Variants in CDH18 observed in about 807,000 individuals in gnomAD.
CDH18 encodes cadherin-18.
A neutral mutation model predicts 67.9 loss-of-function variants in CDH18; 31 were observed. The observed-to-expected ratio is 0.46, with a 90% CI of 0.34 to 0.62. CDH18 has a LOEUF of 0.62. CDH18 is among the 20% of genes least tolerant of loss of function. The probability of loss-of-function intolerance (pLI) is 0.01; values close to 1 mark genes in which losing one functional copy is unlikely to be tolerated. For synonymous variants in CDH18, 362 were observed against 347.2 expected (o/e 1.04, Z -0.48); for missense variants, 890 against 975.5 (o/e 0.91, Z 1.17).
At chr5:20,165,822 T>C (rs1412915150) in intron 2 of CDH18, among the ~76,000 whole-genome samples, 2 of 152,184 alleles carry the variant, frequency 1.3e-5, no homozygotes, top group African/African-American at 4.8e-5. Context: ...ACATAAACAG[T>C]TGCAGTACAA....
At chr5:19,728,429 G>C (rs1323684891) in intron 4 of CDH18, among the ~76,000 whole-genome samples, 2 of 152,118 alleles carry the variant, frequency 1.3e-5, no homozygotes, top group African/African-American at 2.4e-5. Flanking sequence ...ACAAATCTGA[G>C]AAAGATTTAA....
chr5:20,081,664 G>T (rs555144248), intron 2 of CDH18, among the ~76,000 whole-genome samples: 1 of 152,172 alleles, frequency 6.6e-6, no homozygotes, highest in Admixed American at 6.5e-5. Flanking sequence ...GGAACTAGAG[G>T]CTATTATGCT....
At chr5:20,455,578 T>C (rs1250722988) in intron 1 of CDH18, among the ~76,000 whole-genome samples, 1 of 152,142 alleles carries the variant, frequency 6.6e-6, no homozygotes, top group African/African-American at 2.4e-5. Flanking sequence ...ACTGGGTCAA[T>C]ATGCCTTATG....
chr5:20,062,577 C>T (rs574837224), intron 2 of CDH18, among the ~76,000 whole-genome samples: 5 of 152,170 alleles, frequency 3.3e-5, no homozygotes, highest in African/African-American at 1.2e-4. Context: ...GCATGATAAC[C>T]AGCATGAGAA....
chr5:19,709,115 T>C (rs1764365713), intron 5 of CDH18, among the ~76,000 whole-genome samples: 2 of 152,142 alleles, frequency 1.3e-5, no homozygotes, highest in East Asian at 1.9e-4. Flanking sequence ...GTGGCTCTGA[T>C]ACCTCACCTG....
chr5:20,448,990 T>A (rs1750222950), intron 1 of CDH18, among the ~76,000 whole-genome samples: 2 of 148,978 alleles, frequency 1.3e-5, no homozygotes, highest in African/African-American at 5.1e-5. Flanking sequence ...TCCTGTTGCA[T>A]GAATATATAT....
intron 1 of CDH18, among the ~76,000 whole-genome samples, chr5:20,519,458 C>A (rs143173655): frequency 4.0e-5 from 6 of 151,890 alleles, no homozygotes; most frequent in Non-Finnish European, 7.4e-5. Context: ...CATCACACTC[C>A]GGGGACTGTT....
At chr5:20,135,368 T>C (rs1749615428) in intron 2 of CDH18, among the ~76,000 whole-genome samples, 1 of 152,214 alleles carries the variant, frequency 6.6e-6, no homozygotes, top group Non-Finnish European at 1.5e-5. Flanking sequence ...ATTTTCTAGT[T>C]GATTTGCATA....
intron 1 of CDH18, among the ~76,000 whole-genome samples, chr5:20,512,738 G>T (rs1032661786): frequency 6.6e-6 from 1 of 151,944 alleles, no homozygotes; most frequent in African/African-American, 2.4e-5. Context: ...ACAAAAATTT[G>T]CCAGGTGTGG....
chr5:19,938,588 T>C (rs1794516341), intron 2 of CDH18, among the ~76,000 whole-genome samples: 1 of 151,624 alleles, frequency 6.6e-6, no homozygotes, highest in Non-Finnish European at 1.5e-5. Context: ...TCATATTTTC[T>C]AGTTACCATA....
At chr5:20,421,714 T>C (rs1747874599) in intron 1 of CDH18, among the ~76,000 whole-genome samples, 1 of 150,898 alleles carries the variant, frequency 6.6e-6, no homozygotes, top group Non-Finnish European at 1.5e-5. Context: ...AAAACTTGAA[T>C]GTGTTTCATT....
chr5:19,914,790 C>A (rs1791569825), intron 2 of CDH18, among the ~76,000 whole-genome samples: 1 of 151,944 alleles, frequency 6.6e-6, no homozygotes, highest in South Asian at 2.1e-4. Context: ...AATGAAACAT[C>A]AAGTCAATAG....
intron 5 of CDH18, among the ~76,000 whole-genome samples, chr5:19,691,676 G>A (rs1371887386): frequency 6.6e-6 from 1 of 151,722 alleles, no homozygotes; most frequent in East Asian, 1.9e-4. Flanking sequence ...AACCAAAGAG[G>A]TGAAGGACTT....
intron 1 of CDH18, among the ~76,000 whole-genome samples, chr5:20,414,183 G>T (rs1747068846): frequency 6.6e-6 from 1 of 152,218 alleles, no homozygotes; most frequent in Admixed American, 6.5e-5. Context: ...TCAGCAATCT[G>T]ATTACTGGGA....
chr5:20,181,394 G>A (rs1166241310), intron 2 of CDH18, among the ~76,000 whole-genome samples: 1 of 152,062 alleles, frequency 6.6e-6, no homozygotes. Context: ...AGAGGAGGAT[G>A]CACTAATAGG....
chr5:19,964,709 T>C (rs973978475), intron 2 of CDH18, among the ~76,000 whole-genome samples: 11 of 148,196 alleles, frequency 7.4e-5, no homozygotes, highest in Non-Finnish European at 1.5e-4. Flanking sequence ...TGAGGTATAA[T>C]ATGGAACTAT....
intron 3 of CDH18, among the ~76,000 whole-genome samples, chr5:19,780,909 T>C (rs190775078): frequency 1.8e-4 from 27 of 152,212 alleles, no homozygotes; most frequent in South Asian, 1.0e-3. Flanking sequence ...TAGCAAAGAA[T>C]AATGCCACAG....
At position 19,520,758 on chromosome 5, in the gene CDH18, G is replaced by A. The variant is rs1330301818; in HGVS notation, c.1411C>T (p.His471Tyr). The A allele has an allele frequency of 2.5e-6, 4 of 1,612,832 alleles. No homozygotes were observed. The highest frequency in any genetic ancestry group is 1.7e-6 in the Non-Finnish European group (2 of 1,179,408). Reference sequence around the variant, plus strand: ...AGAACTCTAATACCCACTGTGACATGGCTCAGCAAATCAGGATTATCTGCA... The same window carrying A: ...AGAACTCTAATACCCACTGTGACATAGCTCAGCAAATCAGGATTATCTGCA... Reference protein sequence around the residue: ...SEIDNPDLLSHVTVGIRVLDV... With the variant: ...SEIDNPDLLSYVTVGIRVLDV... Residue 471 changes from histidine (H) to tyrosine (Y), a missense_variant, in exon 10 of 13, where the codon CAT becomes TAT. Coordinates refer to ENST00000382275, the MANE Select transcript of CDH18 (RefSeq NM_004934.5).
chr5:19,755,427 G>GTGTATATATATATATATA (rs1554024291), intron 3 of CDH18, among the ~76,000 whole-genome samples: 2 of 44,660 alleles, frequency 4.5e-5, no homozygotes, highest in African/African-American at 1.3e-4. Flanking sequence ...AACTAACAGG[G>GTGTATATATATATATATA]TATGTATATA....
Sources: allele counts gnomAD v4.1 joint callset (sites outside exome capture counted in the v4.1 genomes callset), GRCh38; gene constraint gnomAD v4.1.1; transcripts MANE v1.5; gene names NCBI Gene and HGNC (gene_info 2026-07-23, HGNC 2026-07-21).